The following CROCC variants were observed in gnomAD, a reference collection of about 807,000 sequenced individuals.
CROCC encodes ciliary rootlet coiled-coil, rootletin.
A neutral mutation model predicts 245.2 loss-of-function variants in CROCC; 180 were observed. That is an observed-to-expected ratio of 0.73 (90% CI 0.65 to 0.83). The LOEUF (loss-of-function observed/expected upper bound fraction) is 0.83. CROCC is among the 40% of genes least tolerant of loss of function. The pLI, the probability that CROCC is intolerant of heterozygous loss-of-function variation, is 0.00. For missense variants in CROCC, 2,688 were observed against 2,779.4 expected, an observed-to-expected ratio of 0.97 and a Z score of 0.74; for synonymous variants, 1,205 against 1,241.6, an observed-to-expected ratio of 0.97 and a Z score of 0.62.
chr1:16,947,263 G>A (rs2076070418), intron 17 of CROCC, among the ~76,000 whole-genome samples: 1 of 152,282 alleles, frequency 6.6e-6, no homozygotes, highest in South Asian at 2.1e-4. Context: ...GATCACCTGA[G>A]GTCCGGAGAT....
Position 16,966,314 on chromosome 1 carries a change from G to C in CROCC, c.4697-94G>C, listed in dbSNP as rs2100546918. The stretch of plus-strand genomic sequence containing the variant: ...CGAAGGGTGCAGACAGTCTGGCCCT[G>C]CACTGGGTGGAGTGCAGGCTGGACA... On this transcript the variant is annotated intron_variant, in intron 29 of 36. Coordinates refer to ENST00000375541, the MANE Select transcript of CROCC (RefSeq NM_014675.5). The surrounding 1 kb of genome is among the most constrained non-coding windows in gnomAD (Gnocchi z 4.8). The C allele has an allele frequency of 6.9e-7, 1 of 1,448,128 alleles. No homozygotes were observed. Among genetic ancestry groups the C allele is most frequent in the South Asian group, 1.4e-5 (1 of 71,582 alleles). 89.7% of individuals were successfully genotyped at this position (1,448,128 alleles called of 1,614,324 possible).
rs1557629937 is a variant in CROCC, at chr1:16,956,296, T to G, written c.3864+140T>G. 4.6e-6 allele frequency: 4 copies of G among 878,442 alleles called. No homozygotes were observed. The South Asian group carries it at 7.2e-5, about 16-fold the overall frequency. The allele number at this position is 878,442 out of a possible 1,614,324, so 54.4% of individuals were successfully genotyped here. A position where few individuals can be genotyped will look rare whatever the true frequency, so the allele number is the denominator to read the frequency against. ...GACAAGCCCTCTCACCTAACCTTGGTGTGAATGGATGGGCTTTGAGGAGTC... is the reference window on the plus strand; with the variant it reads ...GACAAGCCCTCTCACCTAACCTTGGGGTGAATGGATGGGCTTTGAGGAGTC... On this transcript the variant is annotated intron_variant, in intron 25 of 36. Coordinates refer to ENST00000375541, the MANE Select transcript of CROCC (RefSeq NM_014675.5).
At position 16,939,852 on chromosome 1, in the gene CROCC, C is replaced by T. The variant is rs559226555; in HGVS notation, c.1609-42C>T. ...AGAAGAGAGTAGGTGGCTCTGGAGG[C>T]CTCTCAGGCCCCCCCAGACTCTGTG... On this transcript the variant is annotated intron_variant, in intron 12 of 36. Coordinates refer to ENST00000375541, the MANE Select transcript of CROCC (RefSeq NM_014675.5). 12 of 1,599,600 alleles carry T rather than the reference C, an allele frequency of 7.5e-6. No individual in the cohort carries two copies. The East Asian group carries it at 1.8e-4, about 24-fold the overall frequency.
chr1:16,950,829 AC>A, intron 19 of CROCC, 123 bp from the exon 20 acceptor site: 2 of 781,362 alleles, frequency 2.6e-6, no homozygotes, highest in Non-Finnish European at 3.9e-6. Flanking sequence ...GAGGACCCAA[AC>A]TAGATGCCAG....
chr1:16,968,110 G>A (rs757568958), intron 30 of CROCC, 93 bp from the exon 31 acceptor site: 161 of 1,311,310 alleles, frequency 1.2e-4, no homozygotes, highest in Non-Finnish European at 1.6e-4. Context: ...CTTCGAGGCT[G>A]CTCCCCACTT....
chr1:16,928,036 T>G (rs1231809221), intron 3 of CROCC, among the ~76,000 whole-genome samples: 1 of 152,274 alleles, frequency 6.6e-6, no homozygotes, highest in African/African-American at 2.4e-5. Context: ...GAGGGCACCT[T>G]CCCTACCGCT....
At chr1:16,940,447 G>A (rs530789526) in intron 13 of CROCC, among the ~76,000 whole-genome samples, 249 of 151,838 alleles carry the variant, frequency 1.6e-3, no homozygotes, top group African/African-American at 5.9e-3. Flanking sequence ...GGAGTGCAGT[G>A]GCGCGATCTT....
chr1:16,925,854 C>G (rs1354934338), intron 3 of CROCC, among the ~76,000 whole-genome samples: 3 of 152,198 alleles, frequency 2.0e-5, no homozygotes, highest in Non-Finnish European at 4.4e-5. Flanking sequence ...GGGTCTGCAG[C>G]GGGTGTGTAG....
rs749903194 is a variant in CROCC at position 16,924,458 on chromosome 1, G to A, written c.330G>A (p.Lys110=). 6.2e-7 allele frequency: 1 copy of A among 1,612,656 alleles called. No homozygotes were observed. The highest frequency in any genetic ancestry group is 8.5e-7 in the Non-Finnish European group (1 of 1,179,128). The change falls in exon 3 of 37, where the codon AAG becomes AAA. Residue 110 remains lysine, a synonymous_variant. Transcript: ENST00000375541. ...CCGAGCGCGATGAGCTCGCCATTAA[G>A]TACAATGCGGTCAGCGAGAGGGTGG... ...SRAERDELAI[K]YNAVSERLEQ... is the part of the protein sequence containing the mutation.
At chr1:16,965,064 C>T (rs2076396414) in intron 27 of CROCC, among the ~76,000 whole-genome samples, 1 of 152,206 alleles carries the variant, frequency 6.6e-6, no homozygotes, top group Non-Finnish European at 1.5e-5. Context: ...GATCCGCCTG[C>T]CTCGGACCCC....
At chr1:16,956,526 C>T (rs1392430785) in intron 25 of CROCC, among the ~76,000 whole-genome samples, 2 of 152,106 alleles carry the variant, frequency 1.3e-5, no homozygotes, top group African/African-American at 2.4e-5. Flanking sequence ...TCCAGCTTTA[C>T]GGGCCACACA....
chr1:16,956,183 C>G, intron 25 of CROCC, 27 bp downstream of exon 25: 3 of 1,499,594 alleles, frequency 2.0e-6, no homozygotes, highest in Non-Finnish European at 2.7e-6. Flanking sequence ...ACCCCTTAGC[C>G]TGGGGCTTGC....
At position 16,946,906 on chromosome 1, in the gene CROCC, T is replaced by A. The variant is rs759965084; in HGVS notation, c.2429T>A (p.Val810Glu). The change falls in exon 17 of 37, where the codon GTG becomes GAG. Residue 810 changes from valine (V) to glutamate (E), a missense_variant. Transcript: ENST00000375541. ...CAGGGCCTGGAGGGCTCCCTACGAG[T>A]GGCGGAGCAGGCCCAGGAGGCATTG... ...ARQGLEGSLR[V>E]AEQAQEALEQ... 1.9e-6 allele frequency: 3 copies of A among 1,564,164 alleles called. No individual in the cohort carries two copies. The highest frequency in any genetic ancestry group is 2.6e-6 in the Non-Finnish European group (3 of 1,154,904).
rs372805639 is a variant in CROCC, at chr1:16,969,940, G to T, written c.5451+6G>T. On this transcript the variant is annotated splice_donor_region_variant and intron_variant, in intron 33 of 36. Transcript: ENST00000375541. Reference sequence around the variant, plus strand: ...AGCTACAACAGCTACGGGAGGTGAGGGCCAGGGTGTGCCCCCTCTGTCCCC... The same window carrying T: ...AGCTACAACAGCTACGGGAGGTGAGTGCCAGGGTGTGCCCCCTCTGTCCCC... The T allele has an allele frequency of 2.5e-6, 4 of 1,581,116 alleles. No homozygotes were observed. Among genetic ancestry groups the T allele is most frequent in the Non-Finnish European group, 3.4e-6 (4 of 1,163,252 alleles).
rs568337823 is a variant in CROCC, at chr1:16,970,849, C to T, written c.5784+82C>T. The T allele has an allele frequency of 4.9e-6, 7 of 1,433,640 alleles. No individual in the cohort carries two copies. The East Asian group carries it at 1.8e-4, about 36-fold the overall frequency. The allele number at this position is 1,433,640 out of a possible 1,614,324, so 88.8% of individuals were successfully genotyped here. A position where few individuals can be genotyped will look rare whatever the true frequency, so the allele number is the denominator to read the frequency against. On this transcript the variant is annotated intron_variant, in intron 35 of 36. Coordinates refer to ENST00000375541, the MANE Select transcript of CROCC (RefSeq NM_014675.5). ...ATTCCAGTGGAGCTGATGGCCCAGC[C>T]AGCCCAGGGCCCATAACCCCCTCCC...
chr1:16,966,255 G>A lies in CROCC; in HGVS notation c.4696+136G>A, dbSNP rs1473582597. The A allele has an allele frequency of 2.1e-6, 3 of 1,445,610 alleles. No homozygotes were observed. The Admixed American group carries it at 7.3e-5, about 35-fold the overall frequency. The allele number at this position is 1,445,610 out of a possible 1,614,324, so 89.5% of individuals were successfully genotyped here. Reference sequence around the variant, plus strand: ...GGCTGTCTCCAAGAGGACCCTCCTTGGACAGCCTCACCTGTGTGCAGGCCC... The same window carrying A: ...GGCTGTCTCCAAGAGGACCCTCCTTAGACAGCCTCACCTGTGTGCAGGCCC... On this transcript the variant is annotated intron_variant, in intron 29 of 36. Coordinates refer to ENST00000375541, the MANE Select transcript of CROCC (RefSeq NM_014675.5). This position sits in a 1 kb window ranked among gnomAD's most constrained non-coding sequence, Gnocchi z 4.8.
At chr1:16,950,095 C>G (rs1221824149) in intron 19 of CROCC, among the ~76,000 whole-genome samples, 1 of 152,012 alleles carries the variant, frequency 6.6e-6, no homozygotes, top group Non-Finnish European at 1.5e-5. Context: ...CAGAGTCTCA[C>G]TCTTGTTGCC....
chr1:16,923,957 G>A (rs2075470287), intron 2 of CROCC, among the ~76,000 whole-genome samples: 1 of 152,262 alleles, frequency 6.6e-6, no homozygotes, highest in East Asian at 1.9e-4. Context: ...TGGGATTACA[G>A]GCGTGAGTCC....
In CROCC at chr1:16,953,286, G is replaced by A. The variant is rs577221468; in HGVS notation, c.3007-16G>A. The A allele has an allele frequency of 4.9e-5, 77 of 1,566,108 alleles. 1 individual carries two copies. Among genetic ancestry groups the A allele is most frequent in the Middle Eastern group, 4.6e-4 (2 of 4,380 alleles). ...CCCTCCTGGTGTGTCACAGGCATCC[G>A]GTCCTGGCCCCCTAGGAGGCAGCAT... On this transcript the variant is annotated splice_polypyrimidine_tract_variant and intron_variant, in intron 20 of 36. Transcript: ENST00000375541.
Sources: gnomAD v4.1 joint callset for allele counts (sites outside exome capture counted in the v4.1 genomes callset) on GRCh38, gnomAD v4.1.1 for gene constraint, Gnocchi (gnomAD v3.1) non-coding constraint, MANE v1.5 for transcripts, NCBI Gene and HGNC (gene_info 2026-07-23, HGNC 2026-07-21) for gene names.